Variants in SYNE2 observed in about 807,000 individuals in gnomAD.
SYNE2 encodes the protein nesprin-2.
Under a neutral mutation model 856.3 loss-of-function variants are expected in SYNE2, and 431 were observed. The observed-to-expected ratio is 0.50, with a 90% CI of 0.47 to 0.55. SYNE2 has a LOEUF of 0.55. Ranked by LOEUF, SYNE2 falls within the 20% of genes least tolerant of loss-of-function variation. The pLI is 0.00. For synonymous variants in SYNE2, 2,923 were observed against 2,872.3 expected, an observed-to-expected ratio of 1.02 and a Z score of -0.56; for missense variants, 8,129 against 8,023.2, an observed-to-expected ratio of 1.01 and a Z score of -0.50.
intron 2 of SYNE2, among the ~76,000 whole-genome samples, chr14:63,929,895 A>C (rs1347570336): frequency 6.6e-6 from 1 of 152,208 alleles, no homozygotes; most frequent in Non-Finnish European, 1.5e-5. Context: ...AACAGCAATT[A>C]CAGAGGCAAA....
At chr14:64,090,686 T>G (rs576851406) in intron 59 of SYNE2, among the ~76,000 whole-genome samples, 180 bp from the exon 60 acceptor site, 11 of 152,218 alleles carry the variant, frequency 7.2e-5, no homozygotes, top group Admixed American at 1.3e-4. Context: ...AGTTATTCTT[T>G]CCTGAGACTT....
chr14:64,138,083 C>A, intron 79 of SYNE2, 100 bp downstream of exon 79: 1 of 1,384,398 alleles, frequency 7.2e-7, no homozygotes, highest in Non-Finnish European at 1.0e-6. Context: ...CCACCTTATG[C>A]TGTTTTTTCT....
intron 44 of SYNE2, among the ~76,000 whole-genome samples, chr14:64,030,535 G>A (rs530588611): frequency 1.5e-4 from 23 of 152,220 alleles, no homozygotes; most frequent in South Asian, 4.1e-4. Context: ...ATTTGTTTAC[G>A]CATTTACTAT....
At chr14:64,219,841 C>A (rs1023650958) in intron 110 of SYNE2, among the ~76,000 whole-genome samples, 2 of 152,116 alleles carry the variant, frequency 1.3e-5, no homozygotes, top group African/African-American at 4.8e-5. Context: ...TGATGAATCC[C>A]GTGGCCTGAC....
intron 36 of SYNE2, 134 bp downstream of exon 36, chr14:64,021,649 A>T: frequency 8.2e-7 from 1 of 1,216,544 alleles, no homozygotes. Context: ...GCTTTTGTAT[A>T]TTTAGCATTT....
intron 1 of SYNE2, among the ~76,000 whole-genome samples, chr14:63,829,561 T>G (rs1889590819): frequency 6.6e-6 from 1 of 152,174 alleles, no homozygotes; most frequent in African/African-American, 2.4e-5. Context: ...ACACAAAAAC[T>G]TATGCCCAAA....
chr14:63,922,225 G>A (rs1451944827), intron 2 of SYNE2, among the ~76,000 whole-genome samples: 2 of 152,056 alleles, frequency 1.3e-5, no homozygotes, highest in East Asian at 1.9e-4. Context: ...GGCTGGTATC[G>A]AACTCCTGGG....
intron 12 of SYNE2, among the ~76,000 whole-genome samples, chr14:63,977,095 G>A (rs977665462): frequency 6.6e-5 from 10 of 151,982 alleles, no homozygotes; most frequent in Admixed American, 5.2e-4. Flanking sequence ...GAGATTTATG[G>A]TATTTGAGCC....
At chr14:64,130,559 T>A (rs2098006277) in intron 76 of SYNE2, among the ~76,000 whole-genome samples, 1 of 152,178 alleles carries the variant, frequency 6.6e-6, no homozygotes, top group Non-Finnish European at 1.5e-5. Context: ...ATGAGAGCAT[T>A]TAATAGCAGA....
chr14:64,143,865 C>T lies in SYNE2; in HGVS notation c.15400C>T (p.Arg5134Cys), dbSNP rs750776181. The change falls in exon 83 of 116, where the codon CGC becomes TGC. Residue 5134 changes from arginine (R) to cysteine (C), a missense_variant. Around this residue, in one of 3 missense-constraint regions of SYNE2, gnomAD observed 5,410 missense variants for 5,284.8 expected, o/e 1.02. Coordinates refer to ENST00000555002, the MANE Select transcript of SYNE2 (RefSeq NM_182914.3). ...AAGCACCTGTGATGTAGAAAGCAAG[C>T]GCTATGAAAGAACGGAGTTTGCAGA... The part of the protein sequence containing the change: ...QLSTCDVESK[R>C]YERTEFAEHL... The T allele has an allele frequency of 3.1e-6, 5 of 1,614,114 alleles. No individual in the cohort carries two copies. The highest frequency in any genetic ancestry group is 1.3e-5 in the African/African-American group (1 of 75,028).
chr14:64,176,230 G>T (rs1360311724), intron 95 of SYNE2, among the ~76,000 whole-genome samples: 1 of 152,156 alleles, frequency 6.6e-6, no homozygotes, highest in Non-Finnish European at 1.5e-5. Context: ...AGTTGAAAAT[G>T]CAGGCACCTA....
At chr14:63,944,747 C>T (rs2095993961) in intron 6 of SYNE2, among the ~76,000 whole-genome samples, 1 of 150,160 alleles carries the variant, frequency 6.7e-6, no homozygotes, top group Non-Finnish European at 1.5e-5. Flanking sequence ...TCTCGAACTC[C>T]TGACCTCATG....
chr14:64,153,219 A>G (rs2098258667), intron 85 of SYNE2, among the ~76,000 whole-genome samples: 2 of 152,232 alleles, frequency 1.3e-5, no homozygotes, highest in African/African-American at 4.8e-5. Context: ...AAAGGGTGCA[A>G]GACATCTAAT....
In SYNE2 at chr14:64,027,644, C is replaced by T. The variant is rs780835576; in HGVS notation, c.6565C>T (p.Leu2189Phe). The T allele has an allele frequency of 1.2e-6, 2 of 1,614,096 alleles. No individual in the cohort carries two copies. The highest frequency in any genetic ancestry group is 1.1e-5 in the South Asian group (1 of 91,070). The change falls in exon 43 of 116, where the codon CTC becomes TTC. Residue 2189 changes from leucine to phenylalanine, a missense_variant. Leu to Phe is a conservative substitution (Grantham distance 22). Around this residue, in one of 3 missense-constraint regions of SYNE2, gnomAD observed 297 missense variants for 380.9 expected, o/e 0.78. Coordinates refer to ENST00000555002, the MANE Select transcript of SYNE2 (RefSeq NM_182914.3). Reference sequence around the variant, plus strand: ...TCAGTTAAAGATTTATAAGAAATTCCTCAAGAAAGCCCAAGATTTGACATC... The same window carrying T: ...TCAGTTAAAGATTTATAAGAAATTCTTCAAGAAAGCCCAAGATTTGACATC... Reference protein sequence around the residue: ...KAQLKIYKKFLKKAQDLTSLL... With the variant: ...KAQLKIYKKFFKKAQDLTSLL...
Position 64,065,525 on chromosome 14 carries a change from G to A in SYNE2, c.10306G>A (p.Gly3436Ser), listed in dbSNP as rs768614412. 9.4e-5 allele frequency: 151 copies of A among 1,613,966 alleles called. No homozygotes were observed. In the Admixed American group the frequency reaches 2.5e-3, roughly 26 times the overall value. Residue 3436 changes from glycine (G) to serine (S), a missense_variant, in exon 51 of 116, where the codon GGC (glycine) becomes AGC (serine). This residue lies in a region of SYNE2 where 5,410 missense variants were observed against 5,284.8 expected (regional missense o/e 1.02). Coordinates refer to ENST00000555002, the MANE Select transcript of SYNE2 (RefSeq NM_182914.3). ...LLRLRCTENDGICLLKIVSAL... is the reference protein window; with the variant it reads ...LLRLRCTENDSICLLKIVSAL... ...GAGACTCAGGTGCACAGAAAATGAT[G>A]GCATATGTTTGCTCAAGATTGTGTC...
chr14:64,209,307 T>C, intron 101 of SYNE2, 121 bp from the exon 102 acceptor site: 1 of 1,520,334 alleles, frequency 6.6e-7, no homozygotes, highest in Non-Finnish European at 9.0e-7. Flanking sequence ...GTCCCTCTTA[T>C]TTCCCAGAAG....
chr14:64,113,578 C>T lies in SYNE2; in HGVS notation c.12840+7C>T, dbSNP rs2097829884. 4 of 1,597,522 alleles carry T rather than the reference C, an allele frequency of 2.5e-6. No homozygotes were observed. The highest frequency in any genetic ancestry group is 2.6e-6 in the Non-Finnish European group (3 of 1,172,058). On this transcript the variant is annotated splice_region_variant and intron_variant, in intron 66 of 115. Transcript: ENST00000555002. ...GCAGCTGGTAGGGTGCCAGGTAAGA[C>T]TGAGAAGTCAGAGTTCATGGTTTGC... is the stretch of plus-strand genomic sequence containing the variant.
Position 64,121,289 on chromosome 14 carries a change from G to C in SYNE2, c.13158+228G>C, listed in dbSNP as rs555140180. 1.3e-5 allele frequency among the ~76,000 whole-genome samples: 2 copies of C among 152,266 alleles called. 1 individual carries two copies. The highest frequency in any genetic ancestry group is 4.1e-4 in the South Asian group (2 of 4,826). The stretch of plus-strand genomic sequence containing the variant: ...TAATCCCAGCACTTTGGGAGGCTGA[G>C]GCAGGCAGATCATTTGAGGTCAGGA... On this transcript the variant is annotated intron_variant, in intron 68 of 115. Coordinates refer to ENST00000555002, the MANE Select transcript of SYNE2 (RefSeq NM_182914.3).
upstream of SYNE2, among the ~76,000 whole-genome samples, chr14:63,850,046 T>C (rs915494644): frequency 1.3e-4 from 20 of 151,616 alleles, no homozygotes; most frequent in African/African-American, 3.9e-4. Flanking sequence ...ATACAGAGGA[T>C]TGATGGGGCA....
Sources: gnomAD v4.1 joint callset for allele counts (sites outside exome capture counted in the v4.1 genomes callset) on GRCh38, gnomAD v4.1.1 for gene constraint, gnomAD v4.1.1 regional missense constraint, MANE v1.5 for transcripts, NCBI Gene and HGNC (gene_info 2026-07-23, HGNC 2026-07-21) for gene names.